KCNQ5: variants seen among roughly 807,000 people sequenced by gnomAD.
The protein encoded by KCNQ5 is potassium voltage-gated channel subfamily Q member 5, also known as potassium voltage-gated channel subfamily KQT member 5.
In KCNQ5, 30 loss-of-function variants were observed where a neutral mutation model predicts 98.2. The observed-to-expected ratio is 0.31, with a 90% CI of 0.23 to 0.41. The LOEUF is 0.41. Among genes scored for constraint, KCNQ5 ranks in the 10% least tolerant of loss-of-function variants. The pLI is 1.00. For synonymous variants in KCNQ5, 458 were observed against 449.4 expected, an observed-to-expected ratio of 1.02 and a Z score of -0.24; for missense variants, 835 against 1,182.5, an observed-to-expected ratio of 0.71 and a Z score of 4.31.
chr6:73,164,608 G>A (rs1041135887), intron 10 of KCNQ5, among the ~76,000 whole-genome samples: 1 of 152,100 alleles, frequency 6.6e-6, no homozygotes, highest in Admixed American at 6.5e-5. Context: ...TGGGATGTTC[G>A]CAGGTTCATT....
intron 1 of KCNQ5, among the ~76,000 whole-genome samples, chr6:72,919,797 C>T (rs1405137941): frequency 6.6e-6 from 1 of 152,158 alleles, no homozygotes; most frequent in Non-Finnish European, 1.5e-5. Flanking sequence ...TGGTTATAGA[C>T]CAATCATGTC....
chr6:72,788,558 A>C (rs562612367), intron 1 of KCNQ5, among the ~76,000 whole-genome samples: 60 of 152,378 alleles, frequency 3.9e-4, no homozygotes, highest in African/African-American at 1.4e-3. Context: ...TGTCTTATTT[A>C]TTATACTATA....
rs1459892595 is a variant in KCNQ5, at chr6:73,120,575, C to A, written c.1218C>A (p.Thr406=). The change falls in exon 8 of 14, where the codon ACC becomes ACA. Residue 406 remains threonine, a splice_region_variant and synonymous_variant. Transcript: ENST00000370398. ...AGGCCTTGCACACCTGCAGCCCTAC[C>A]AAGTAGGTATCAGTGTGACAGCTGC... ...HLKALHTCSP[T]KKEQGEASSS... is the part of the protein sequence containing the mutation. 1.2e-6 allele frequency: 2 copies of A among 1,603,962 alleles called. No homozygotes were observed. The highest frequency in any genetic ancestry group is 1.7e-6 in the Non-Finnish European group (2 of 1,172,290).
intron 1 of KCNQ5, among the ~76,000 whole-genome samples, chr6:72,762,660 C>CGG: frequency 6.6e-6 from 1 of 151,936 alleles, no homozygotes; most frequent in African/African-American, 2.4e-5. Context: ...GGCAGTGTTT[C>CGG]CTAGGTACTA....
intron 11 of KCNQ5, among the ~76,000 whole-genome samples, chr6:73,175,662 G>A (rs973128931): frequency 1.3e-5 from 2 of 152,104 alleles, no homozygotes; most frequent in African/African-American, 4.8e-5. Flanking sequence ...TCTTCCCAGC[G>A]TTCAGTGCAT....
intron 1 of KCNQ5, among the ~76,000 whole-genome samples, chr6:72,677,616 A>G (rs896648497): frequency 6.6e-6 from 1 of 152,208 alleles, no homozygotes; most frequent in Non-Finnish European, 1.5e-5. Flanking sequence ...AATATGCCTC[A>G]GAATAAGGTT....
chr6:72,698,000 G>A (rs1768589912), intron 1 of KCNQ5, among the ~76,000 whole-genome samples: 1 of 152,134 alleles, frequency 6.6e-6, no homozygotes, highest in African/African-American at 2.4e-5. Context: ...AGGATTACTT[G>A]AGTCCACTAG....
At chr6:72,922,139 T>C (rs1199951713) in intron 1 of KCNQ5, among the ~76,000 whole-genome samples, 1 of 152,206 alleles carries the variant, frequency 6.6e-6, no homozygotes, top group African/African-American at 2.4e-5. Context: ...ATTTTATGTA[T>C]AAACATCCTA....
chr6:72,829,822 G>C (rs904072080), intron 1 of KCNQ5, among the ~76,000 whole-genome samples: 3 of 152,150 alleles, frequency 2.0e-5, no homozygotes, highest in Non-Finnish European at 4.4e-5. Context: ...GTTTTTCTAA[G>C]AGAGTAGTGG....
At chr6:73,156,901 A>G (rs1777382149) in intron 10 of KCNQ5, among the ~76,000 whole-genome samples, 1 of 152,160 alleles carries the variant, frequency 6.6e-6, no homozygotes, top group African/African-American at 2.4e-5. Flanking sequence ...GAGAAGCCCA[A>G]TTTGAAAGGA....
intron 1 of KCNQ5, among the ~76,000 whole-genome samples, chr6:72,776,973 G>A (rs530186689): frequency 6.6e-6 from 1 of 152,032 alleles, no homozygotes; most frequent in African/African-American, 2.4e-5. Context: ...TGAGGAGGCC[G>A]GAACAGACAT....
At chr6:72,679,541 G>C (rs527397513) in intron 1 of KCNQ5, among the ~76,000 whole-genome samples, 1,922 of 144,650 alleles carry the variant, frequency 0.013, 47 homozygotes, top group African/African-American at 0.047. Context: ...CATGGACACA[G>C]GAAGGGGAAC....
At chr6:73,124,551 T>A in intron 9 of KCNQ5, 39 bp downstream of exon 9, 3 of 1,584,448 alleles carry the variant, frequency 1.9e-6, no homozygotes. Flanking sequence ...TGTTTATAAA[T>A]CTGATACCTA....
chr6:73,195,019 C>G lies in KCNQ5; in HGVS notation c.2404C>G (p.Arg802Gly). Residue 802 changes from arginine (R) to glycine (G), a missense_variant, in exon 14 of 14, where the codon CGT (arginine) becomes GGT (glycine). Coordinates refer to ENST00000370398, the MANE Select transcript of KCNQ5 (RefSeq NM_019842.4). Reference sequence around the variant, plus strand: ...TGCACAGTCAAATCTCACCAAGGACCGTTCTATGAGGAAAAGCTTTGACAT... The same window carrying G: ...TGCACAGTCAAATCTCACCAAGGACGGTTCTATGAGGAAAAGCTTTGACAT... Reference protein sequence around the residue: ...QVAQSNLTKDRSMRKSFDMGG... With the variant: ...QVAQSNLTKDGSMRKSFDMGG... The G allele has an allele frequency of 6.2e-7, 1 of 1,614,120 alleles. No homozygotes were observed. The highest frequency in any genetic ancestry group is 1.1e-5 in the South Asian group (1 of 91,072).
At chr6:72,642,291 A>G (rs975797471) in intron 1 of KCNQ5, among the ~76,000 whole-genome samples, 1 of 151,922 alleles carries the variant, frequency 6.6e-6, no homozygotes, top group African/African-American at 2.4e-5. Context: ...AGGGATATGA[A>G]CAGACACTTT....
At chr6:73,020,743 C>T (rs988422294) in intron 2 of KCNQ5, among the ~76,000 whole-genome samples, 8 of 152,152 alleles carry the variant, frequency 5.3e-5, no homozygotes, top group African/African-American at 1.9e-4. Context: ...AGACACTTAT[C>T]ACTTTGAAGA....
intron 1 of KCNQ5, among the ~76,000 whole-genome samples, chr6:72,821,631 T>C (rs977299771): frequency 1.3e-5 from 2 of 152,092 alleles, no homozygotes; most frequent in Non-Finnish European, 2.9e-5. Context: ...TTTGTTTTTT[T>C]TTTTAATGTA....
chr6:72,997,014 C>G (rs957763749), intron 1 of KCNQ5, among the ~76,000 whole-genome samples: 9 of 152,202 alleles, frequency 5.9e-5, no homozygotes, highest in Admixed American at 4.6e-4. Flanking sequence ...GAGTAAAGGT[C>G]CCAGACAAGG....
intron 1 of KCNQ5, among the ~76,000 whole-genome samples, chr6:72,779,068 G>A (rs920044258): frequency 6.6e-6 from 1 of 152,214 alleles, no homozygotes; most frequent in Non-Finnish European, 1.5e-5. Flanking sequence ...TTCTTTGAAA[G>A]TGTGGATGAA....
Sources: allele counts gnomAD v4.1 joint callset (sites outside exome capture counted in the v4.1 genomes callset), GRCh38; gene constraint gnomAD v4.1.1; transcripts MANE v1.5; gene names NCBI Gene and HGNC (gene_info 2026-07-23, HGNC 2026-07-21).